Variants in CHODL observed in about 807,000 individuals in gnomAD.
The protein encoded by CHODL is chondrolectin.
In CHODL, 29 loss-of-function variants were observed where a neutral mutation model predicts 34.5. That is an observed-to-expected ratio of 0.84 (90% confidence interval 0.63 to 1.15). The LOEUF is 1.15. Ranked by LOEUF, CHODL falls within the 50% of genes most tolerant of loss-of-function variation. The pLI, the probability that CHODL is intolerant of heterozygous loss-of-function variation, is 0.00. For missense variants in CHODL, 332 were observed against 332.5 expected (o/e 1.00, Z 0.01); for synonymous variants, 125 against 116.1 (o/e 1.08, Z -0.49).
chr21:18,076,438 ATATC>A (rs1490686218), intron 2 of CHODL, among the ~76,000 whole-genome samples: 1 of 152,230 alleles, frequency 6.6e-6, no homozygotes. Flanking sequence ...ATTTGAGAAA[ATATC>A]TAAGCAAAAT....
In CHODL at chr21:18,141,598, A is replaced by T. The variant is rs1617077; in HGVS notation, c.-45+113627A>T. On this transcript the variant is annotated intron_variant, in intron 2 of 6. Coordinates refer to the CHODL transcript ENST00000400127. ...TTGGAGTTGACAGCATGCTATACAC[A>T]TGACACTTCCCTAGCGGCATTTGGA... Among the ~76,000 whole-genome samples the T allele has an allele frequency of 2.0e-5, 3 of 151,898 alleles. No individual in the cohort carries two copies. In the South Asian group the frequency reaches 6.2e-4, roughly 32 times the overall value.
chr21:18,140,042 T>C (rs2072782780), intron 2 of CHODL, among the ~76,000 whole-genome samples: 1 of 152,152 alleles, frequency 6.6e-6, no homozygotes, highest in African/African-American at 2.4e-5. Flanking sequence ...GCCACTTAAA[T>C]TCACAGAAAC....
intron 1 of CHODL, among the ~76,000 whole-genome samples, chr21:17,957,679 T>C (rs1436342398): frequency 6.6e-6 from 1 of 151,686 alleles, no homozygotes; most frequent in Non-Finnish European, 1.5e-5. Flanking sequence ...AAAGAGATGA[T>C]GGTTCAAGAA....
chr21:18,049,749 A>G (rs575781914), intron 2 of CHODL, among the ~76,000 whole-genome samples: 2 of 152,144 alleles, frequency 1.3e-5, no homozygotes, highest in South Asian at 2.1e-4. Flanking sequence ...GGATTGGATT[A>G]GGACCAACAC....
At chr21:18,261,286 A>G (rs2074379109) in intron 4 of CHODL, among the ~76,000 whole-genome samples, 1 of 152,098 alleles carries the variant, frequency 6.6e-6, no homozygotes, top group Admixed American at 6.5e-5. Context: ...AAAACCATTC[A>G]GAACATCTAA....
At chr21:18,205,269 C>G (rs1395210774) in intron 2 of CHODL, among the ~76,000 whole-genome samples, 3 of 151,892 alleles carry the variant, frequency 2.0e-5, no homozygotes, top group Non-Finnish European at 4.4e-5. Flanking sequence ...CTTTCTATAC[C>G]CAGTTTTTCA....
intron 2 of CHODL, among the ~76,000 whole-genome samples, chr21:18,125,695 A>G (rs796964566): frequency 6.6e-6 from 1 of 152,062 alleles, no homozygotes; most frequent in Non-Finnish European, 1.5e-5. Flanking sequence ...TCACGGGTTC[A>G]TGCGATTCTT....
intron 2 of CHODL, among the ~76,000 whole-genome samples, chr21:18,069,985 T>TTCCCTTCCCTTCCCC (rs2064777984): frequency 1.7e-4 from 2 of 12,046 alleles, no homozygotes; most frequent in African/African-American, 2.2e-4. Flanking sequence ...CTCCTTTTCT[T>TTCCCTTCCCTTCCCC]TCCCTTCCCT....
chr21:17,941,577 A>C (rs1360268123), intron 1 of CHODL, among the ~76,000 whole-genome samples: 1 of 152,052 alleles, frequency 6.6e-6, no homozygotes, highest in East Asian at 1.9e-4. Flanking sequence ...ACAGAGGGAT[A>C]ATGTTCTTAT....
At chr21:18,138,414 A>G (rs1466542540) in intron 2 of CHODL, among the ~76,000 whole-genome samples, 12 of 152,178 alleles carry the variant, frequency 7.9e-5, no homozygotes, top group Admixed American at 5.9e-4. Context: ...GTGGATGACC[A>G]TGATAGAATT....
At chr21:18,026,338 C>G (rs913872232) in intron 1 of CHODL, among the ~76,000 whole-genome samples, 1 of 152,036 alleles carries the variant, frequency 6.6e-6, no homozygotes, top group African/African-American at 2.4e-5. Flanking sequence ...GTGGGTAAAG[C>G]CTGTAATTAG....
intron 2 of CHODL, among the ~76,000 whole-genome samples, chr21:18,235,276 A>T (rs985542194): frequency 2.4e-4 from 37 of 152,242 alleles, no homozygotes; most frequent in African/African-American, 8.7e-4. Context: ...AAGCCTGTGC[A>T]TGTTTTTTTA....
At chr21:17,987,239 G>A (rs887563019) in intron 1 of CHODL, among the ~76,000 whole-genome samples, 3 of 152,082 alleles carry the variant, frequency 2.0e-5, no homozygotes, top group Admixed American at 6.6e-5. Flanking sequence ...CTAAGCCAGG[G>A]ACAGGGTTTC....
At chr21:18,125,546 T>G (rs1244388865) in intron 2 of CHODL, among the ~76,000 whole-genome samples, 1 of 151,656 alleles carries the variant, frequency 6.6e-6, no homozygotes. Context: ...TATAGAAAAT[T>G]GATTACATTA....
At chr21:18,255,204 A>G (rs76044131) in intron 1 of CHODL, among the ~76,000 whole-genome samples, 6,476 of 152,140 alleles carry the variant, frequency 0.043, 449 homozygotes, top group African/African-American at 0.15. Flanking sequence ...TATAGATTTT[A>G]GATATTTGGT....
chr21:18,119,633 C>A (rs559654491), intron 2 of CHODL, among the ~76,000 whole-genome samples: 2 of 152,178 alleles, frequency 1.3e-5, no homozygotes, highest in Non-Finnish European at 2.9e-5. Context: ...AAATAGAGTT[C>A]TTTTTCAATT....
intron 2 of CHODL, among the ~76,000 whole-genome samples, chr21:18,048,686 T>C (rs9978670): frequency 0.025 from 3,769 of 152,080 alleles, 148 homozygotes; most frequent in African/African-American, 0.086. Flanking sequence ...AATAATGCTT[T>C]CAATTGAGGA....
chr21:18,044,645 A>C (rs2064419241), intron 2 of CHODL, among the ~76,000 whole-genome samples: 1 of 151,960 alleles, frequency 6.6e-6, no homozygotes, highest in South Asian at 2.1e-4. Flanking sequence ...AGGAAAAAGA[A>C]ATACCTTTTT....
intron 2 of CHODL, among the ~76,000 whole-genome samples, chr21:18,224,195 C>T (rs2073909893): frequency 6.6e-6 from 1 of 152,120 alleles, no homozygotes; most frequent in African/African-American, 2.4e-5. Flanking sequence ...TATTCCACCA[C>T]TTTTTGTAAG....
Sources: gnomAD v4.1 joint callset for allele counts (sites outside exome capture counted in the v4.1 genomes callset) on GRCh38, gnomAD v4.1.1 for gene constraint, MANE v1.5 for transcripts, NCBI Gene and HGNC (gene_info 2026-07-23, HGNC 2026-07-21) for gene names.